ADCY1: variants seen among roughly 807,000 people sequenced by gnomAD.
ADCY1 encodes adenylate cyclase type 1.
ADCY1 carries 28 observed loss-of-function variants against 105.4 expected under a neutral mutation model. The ratio of observed to expected loss-of-function variants is 0.27; its 90% CI spans 0.20 to 0.36. The LOEUF (loss-of-function observed/expected upper bound fraction) is 0.36. Among genes scored for constraint, ADCY1 ranks in the 10% least tolerant of loss-of-function variants. The pLI, the probability that ADCY1 is intolerant of heterozygous loss-of-function variation, is 1.00. For synonymous variants in ADCY1, 655 were observed against 623.8 expected, an observed-to-expected ratio of 1.05 and a Z score of -0.75; for missense variants, 977 against 1,434.2, an observed-to-expected ratio of 0.68 and a Z score of 5.15.
chr7:45,651,998 G>A (rs1194804046), intron 5 of ADCY1, among the ~76,000 whole-genome samples: 2 of 152,196 alleles, frequency 1.3e-5, no homozygotes, highest in Non-Finnish European at 2.9e-5. Flanking sequence ...TAATTGACTT[G>A]TAGTTCTACA....
chr7:45,676,990 A>AT (rs34754357), intron 8 of ADCY1, among the ~76,000 whole-genome samples: 22,429 of 151,546 alleles, frequency 0.15, 2,108 homozygotes, highest in East Asian at 0.39. Flanking sequence ...ATCCAGTGGC[A>AT]TTTTTTGGCT....
At chr7:45,577,376 G>C (rs1263362517) in intron 1 of ADCY1, among the ~76,000 whole-genome samples, 4 of 152,186 alleles carry the variant, frequency 2.6e-5, no homozygotes, top group Admixed American at 6.5e-5. Flanking sequence ...ACTTACAGTG[G>C]GGGGAGCAGG....
At chr7:45,598,847 T>C (rs1232125024) in intron 2 of ADCY1, among the ~76,000 whole-genome samples, 2 of 152,230 alleles carry the variant, frequency 1.3e-5, no homozygotes, top group Non-Finnish European at 2.9e-5. Flanking sequence ...CTGGTGATTA[T>C]GGAGGACGGA....
At chr7:45,618,860 G>A (rs1490501347) in intron 3 of ADCY1, among the ~76,000 whole-genome samples, 8 of 152,150 alleles carry the variant, frequency 5.3e-5, no homozygotes, top group African/African-American at 1.7e-4. Flanking sequence ...TCCCAGTACT[G>A]GGTATATATC....
At chr7:45,669,398 A>C (rs1784322789) in intron 8 of ADCY1, among the ~76,000 whole-genome samples, 2 of 152,202 alleles carry the variant, frequency 1.3e-5, no homozygotes, top group South Asian at 4.1e-4. Flanking sequence ...CCCAGTAGTC[A>C]TTCAGGAGCA....
rs757336824 is a variant in ADCY1, at chr7:45,660,099, A to G, written c.1365A>G (p.Glu455=). The G allele has an allele frequency of 6.2e-7, 1 of 1,614,238 alleles. No individual in the cohort carries two copies. ...GCTTGAATGGGGACTACGAGGTAGA[A>G]CCGGGTTACGGACATGAGAGGAACA... ...LACLNGDYEV[E]PGYGHERNSF... The change falls in exon 7 of 20, where the codon GAA becomes GAG. Residue 455 remains glutamate (E), a synonymous_variant. Transcript: ENST00000297323.
At chr7:45,625,949 C>G (rs1250730657) in intron 4 of ADCY1, among the ~76,000 whole-genome samples, 1 of 152,202 alleles carries the variant, frequency 6.6e-6, no homozygotes, top group Non-Finnish European at 1.5e-5. Context: ...TCCCAGTGAC[C>G]ATGCAGGATT....
intron 4 of ADCY1, among the ~76,000 whole-genome samples, chr7:45,625,613 A>G (rs750136139): frequency 6.6e-6 from 1 of 152,150 alleles, no homozygotes; most frequent in Non-Finnish European, 1.5e-5. Context: ...GAGTGCTTAC[A>G]TGAACACACG....
rs528902084 is a variant in ADCY1, at chr7:45,601,574, A to G, written c.789+8666A>G. On this transcript the variant is annotated intron_variant, in intron 2 of 19. Coordinates refer to ENST00000297323, the MANE Select transcript of ADCY1 (RefSeq NM_021116.4). The stretch of plus-strand genomic sequence containing the variant: ...CTCCTTCTGGTTTGTCTCGATGGTG[A>G]TTTTACCTTGTGGAGCAATGGCTGG... Among the ~76,000 whole-genome samples the G allele has an allele frequency of 4.0e-5, 6 of 151,326 alleles. No homozygotes were observed. The South Asian group carries it at 8.4e-4, about 21-fold the overall frequency.
intron 7 of ADCY1, 134 bp downstream of exon 7, chr7:45,660,317 G>A: frequency 8.7e-6 from 11 of 1,270,996 alleles, no homozygotes; most frequent in Non-Finnish European, 1.2e-5. Flanking sequence ...GATGGGGAGA[G>A]TTGTCCCCAC....
intron 4 of ADCY1, among the ~76,000 whole-genome samples, chr7:45,631,306 T>C (rs1794253048): frequency 6.6e-6 from 1 of 152,236 alleles, no homozygotes; most frequent in Non-Finnish European, 1.5e-5. Context: ...TTTGTCTGTT[T>C]TAGAGAATTG....
At chr7:45,599,918 G>A (rs1011390261) in intron 2 of ADCY1, among the ~76,000 whole-genome samples, 1 of 152,242 alleles carries the variant, frequency 6.6e-6, no homozygotes, top group Non-Finnish European at 1.5e-5. Context: ...GAGCCGCCTT[G>A]AGCGGCCTTG....
intron 4 of ADCY1, among the ~76,000 whole-genome samples, chr7:45,633,284 C>G (rs1468989808): frequency 6.6e-6 from 1 of 152,074 alleles, no homozygotes; most frequent in African/African-American, 2.4e-5. Context: ...TACAGTTGAC[C>G]CTTGAACATC....
At chr7:45,678,108 G>A (rs1165967701) in intron 9 of ADCY1, 45 bp downstream of exon 9, 4 of 1,613,662 alleles carry the variant, frequency 2.5e-6, no homozygotes, top group Non-Finnish European at 3.4e-6. Context: ...GCTTGCGAAG[G>A]CGCTGCCTGG....
chr7:45,679,647 C>G, intron 10 of ADCY1, 62 bp from the exon 11 acceptor site: 3 of 1,561,288 alleles, frequency 1.9e-6, no homozygotes, highest in Non-Finnish European at 2.6e-6. Flanking sequence ...TCTCAGCCAT[C>G]TCTTGGGTCC....
rs191627215 is a variant in ADCY1 at position 45,647,912 on chromosome 7, G to C, written c.1021-758G>C. On this transcript the variant is annotated intron_variant, in intron 4 of 19. Transcript: ENST00000297323. The surrounding 1 kb of genome is among the most constrained non-coding windows in gnomAD (Gnocchi z 4.6). The stretch of plus-strand genomic sequence containing the variant: ...GTCCTTAGTGATTTCAAGACATAAA[G>C]GGGTCCTGAAATGGAAATGTTTTAG... 2.1e-3 allele frequency among the ~76,000 whole-genome samples: 321 copies of C among 152,304 alleles called. 4 individuals carry two copies. The highest frequency in any genetic ancestry group is 0.017 in the Middle Eastern group (5 of 294).
chr7:45,629,644 T>G (rs1004004034), intron 4 of ADCY1, among the ~76,000 whole-genome samples: 3 of 151,736 alleles, frequency 2.0e-5, no homozygotes, highest in African/African-American at 4.8e-5. Context: ...TTAGCCTCCC[T>G]AGTAGCTGGG....
intron 8 of ADCY1, among the ~76,000 whole-genome samples, chr7:45,668,933 A>G (rs1218060472): frequency 6.6e-6 from 1 of 152,128 alleles, no homozygotes; most frequent in Non-Finnish European, 1.5e-5. Flanking sequence ...TGTTTATAGT[A>G]TTCTGTGATG....
At chr7:45,639,217 C>T (rs771539285) in intron 4 of ADCY1, among the ~76,000 whole-genome samples, 2 of 152,200 alleles carry the variant, frequency 1.3e-5, no homozygotes, top group Non-Finnish European at 2.9e-5. Context: ...GGTTGATAGT[C>T]ACAGATGTGA....
Sources: allele counts gnomAD v4.1 joint callset (sites outside exome capture counted in the v4.1 genomes callset), GRCh38; gene constraint gnomAD v4.1.1; non-coding constraint Gnocchi (gnomAD v3.1); transcripts MANE v1.5; gene names NCBI Gene and HGNC (gene_info 2026-07-23, HGNC 2026-07-21).